Variants in TNNI3K observed in about 807,000 individuals in gnomAD.
TNNI3K encodes serine/threonine-protein kinase TNNI3K.
Under a neutral mutation model 114.5 loss-of-function variants are expected in TNNI3K, and 140 were observed. That is an observed-to-expected ratio of 1.22 (90% CI 1.07 to 1.41). The LOEUF (loss-of-function observed/expected upper bound fraction) is 1.41. Ranked by LOEUF, TNNI3K falls within the 40% of genes most tolerant of loss-of-function variation. The pLI, the probability that TNNI3K is intolerant of heterozygous loss-of-function variation, is 0.00. For synonymous variants in TNNI3K, 347 were observed against 347.5 expected (o/e 1.00, Z 0.02); for missense variants, 1,125 against 1,007.6 (o/e 1.12, Z -1.58).
At position 74,439,520 on chromosome 1, in the gene TNNI3K, A is replaced by C. The variant is rs776948756; in HGVS notation, c.1909A>C (p.Thr637Pro). The change falls in exon 20 of 25, where the codon ACG (threonine) becomes CCG (proline). Residue 637 changes from threonine (T) to proline (P), a missense_variant. Coordinates refer to ENST00000326637, the MANE Select transcript of TNNI3K (RefSeq NM_015978.3). ...NLRWMAPEVF[T>P]QCTRYTIKAD... is the part of the protein sequence containing the mutation. Reference sequence around the variant, plus strand: ...CCGTTGGATGGCTCCTGAGGTGTTCACGCAGTGCACTCGGTACACCATCAA... The same window carrying C: ...CCGTTGGATGGCTCCTGAGGTGTTCCCGCAGTGCACTCGGTACACCATCAA... The C allele has an allele frequency of 1.2e-6, 2 of 1,613,404 alleles. No individual in the cohort carries two copies. The highest frequency in any genetic ancestry group is 1.7e-5 in the Admixed American group (1 of 59,878).
At chr1:74,464,952 C>A in intron 21 of TNNI3K, 1 of 1,223,556 alleles carries the variant, frequency 8.2e-7, no homozygotes, top group Non-Finnish European at 1.0e-6. Context: ...TCAATCTCTG[C>A]ATCTGAATTT....
chr1:74,325,475 T>G (rs1410182341), intron 5 of TNNI3K, among the ~76,000 whole-genome samples: 3 of 152,196 alleles, frequency 2.0e-5, no homozygotes, highest in Non-Finnish European at 4.4e-5. Flanking sequence ...AATTAGAAAC[T>G]GTGTCCCTGG....
intron 23 of TNNI3K, among the ~76,000 whole-genome samples, chr1:74,525,514 C>G (rs1299666308): frequency 6.6e-6 from 1 of 152,118 alleles, no homozygotes; most frequent in Admixed American, 6.6e-5. Flanking sequence ...AGAGATGAGG[C>G]TGAAGAAATG....
intron 4 of TNNI3K, among the ~76,000 whole-genome samples, chr1:74,267,400 A>G (rs957482189): frequency 1.1e-4 from 17 of 151,972 alleles, no homozygotes; most frequent in Non-Finnish European, 2.1e-4. Flanking sequence ...CAGGAAAACC[A>G]CTATGGAAAG....
At chr1:74,515,481 T>C (rs963921511) in intron 23 of TNNI3K, among the ~76,000 whole-genome samples, 1 of 152,168 alleles carries the variant, frequency 6.6e-6, no homozygotes, top group Non-Finnish European at 1.5e-5. Flanking sequence ...GAAATGATAC[T>C]AGGAAAGGGT....
intron 2 of TNNI3K, among the ~76,000 whole-genome samples, chr1:74,239,526 C>A (rs1654059442): frequency 6.6e-6 from 1 of 152,116 alleles, no homozygotes; most frequent in African/African-American, 2.4e-5. Context: ...TGCCTGACAT[C>A]AGCCTTTCTC....
Position 74,540,324 on chromosome 1 carries a change from A to C in TNNI3K, c.2431+11A>C, listed in dbSNP as rs1272475799. ...CCATTGACAAATATGGTAAGTAGGC[A>C]GATTCTTTAGGTTTGTTAAGAAAAC... On this transcript the variant is annotated intron_variant, in intron 24 of 24. Transcript: ENST00000326637. 1 of 1,610,016 alleles carries C rather than the reference A, an allele frequency of 6.2e-7. No individual in the cohort carries two copies. The highest frequency in any genetic ancestry group is 1.3e-5 in the African/African-American group (1 of 74,872).
chr1:74,396,135 G>C (rs1418301990), intron 17 of TNNI3K, among the ~76,000 whole-genome samples: 2 of 152,162 alleles, frequency 1.3e-5, no homozygotes, highest in African/African-American at 4.8e-5. Flanking sequence ...TAACATGCTT[G>C]CCCCATCTCA....
chr1:74,394,992 C>T (rs929352203), intron 17 of TNNI3K, among the ~76,000 whole-genome samples: 2 of 150,650 alleles, frequency 1.3e-5, no homozygotes, highest in African/African-American at 2.4e-5. Flanking sequence ...TGCAGTGAGC[C>T]GAGATCGCGC....
intron 9 of TNNI3K, among the ~76,000 whole-genome samples, chr1:74,346,401 G>A (rs1048531886): frequency 2.0e-5 from 3 of 151,974 alleles, no homozygotes; most frequent in African/African-American, 4.8e-5. Context: ...ATATTTCCGA[G>A]GTCCTGCAGC....
intron 9 of TNNI3K, among the ~76,000 whole-genome samples, chr1:74,352,477 C>T (rs1157916826): frequency 6.6e-6 from 1 of 152,164 alleles, no homozygotes. Context: ...CTGGGAGAAC[C>T]ACTACTCTCT....
At chr1:74,445,137 G>C (rs1328880939) in intron 20 of TNNI3K, among the ~76,000 whole-genome samples, 1 of 151,304 alleles carries the variant, frequency 6.6e-6, no homozygotes, top group African/African-American at 2.4e-5. Flanking sequence ...AAGATTTTAT[G>C]ACAAAAATGT....
Position 74,275,427 on chromosome 1 carries a change from G to A in TNNI3K, c.444+3719G>A, listed in dbSNP as rs187481534. On this transcript the variant is annotated intron_variant, in intron 5 of 24. Coordinates refer to ENST00000326637, the MANE Select transcript of TNNI3K (RefSeq NM_015978.3). The stretch of plus-strand genomic sequence containing the variant: ...CTATGATTCAATTATCTCCCACTTT[G>A]TCCCTCCCACAACACATGGGGATTA... Among the ~76,000 whole-genome samples, 30 of 152,200 alleles carry A rather than the reference G, an allele frequency of 2.0e-4. No individual in the cohort carries two copies. In the East Asian group the frequency reaches 5.4e-3, roughly 27 times the overall value.
chr1:74,275,634 A>G (rs1221943271), intron 5 of TNNI3K, among the ~76,000 whole-genome samples: 1 of 152,110 alleles, frequency 6.6e-6, no homozygotes, highest in Non-Finnish European at 1.5e-5. Context: ...AATAGGAAGG[A>G]AAGAATGAGA....
At chr1:74,373,501 G>T (rs1456342107) in intron 17 of TNNI3K, 1 of 151,726 alleles carries the variant, frequency 6.6e-6, no homozygotes, top group African/African-American at 2.4e-5. Flanking sequence ...CATTAGCCTG[G>T]GCAAGTCAGG....
In TNNI3K at chr1:74,345,503, AGAAT is replaced by A. The variant is rs1660956927; in HGVS notation, c.932+2331_932+2334del. The stretch of plus-strand genomic sequence containing the variant: ...CTTCATATTCAGTTTAATTGGATAA[AGAAT>A]GAATGATATTTCATGAAAGAAAAAT... On this transcript the variant is annotated intron_variant, in intron 9 of 24. Transcript: ENST00000326637. Among the ~76,000 whole-genome samples, 8 of 152,204 alleles carry A rather than the reference AGAAT, an allele frequency of 5.3e-5. No homozygotes were observed. In the South Asian group the frequency reaches 1.4e-3, roughly 28 times the overall value.
At position 74,387,573 on chromosome 1, in the gene TNNI3K, A is replaced by G. The variant is rs563535130; in HGVS notation, c.1772+17181A>G. 7.9e-5 allele frequency among the ~76,000 whole-genome samples: 12 copies of G among 152,328 alleles called. No individual in the cohort carries two copies. In the South Asian group the frequency reaches 2.5e-3, roughly 32 times the overall value. ...AAAAGCTTTCGGTATCATTTCTTAT[A>G]AAGGAATTTACCATGAGCTTTGGTC... On this transcript the variant is annotated intron_variant, in intron 17 of 24. Coordinates refer to ENST00000326637, the MANE Select transcript of TNNI3K (RefSeq NM_015978.3).
intron 3 of TNNI3K, 84 bp downstream of exon 3, chr1:74,249,628 G>A: frequency 2.2e-6 from 3 of 1,341,760 alleles, no homozygotes; most frequent in South Asian, 3.1e-5. Flanking sequence ...GTCTGCAAAA[G>A]AATTCTATTC....
intron 23 of TNNI3K, among the ~76,000 whole-genome samples, chr1:74,531,629 C>T (rs1331448469): frequency 2.0e-5 from 3 of 152,152 alleles, no homozygotes; most frequent in African/African-American, 7.2e-5. Context: ...ATTTATTATC[C>T]TAGTGTAAAC....
Sources: allele counts gnomAD v4.1 joint callset (sites outside exome capture counted in the v4.1 genomes callset), GRCh38; gene constraint gnomAD v4.1.1; transcripts MANE v1.5; gene names NCBI Gene and HGNC (gene_info 2026-07-23, HGNC 2026-07-21).